The following PIGL variants were observed in gnomAD, a reference collection of about 807,000 sequenced individuals.
PIGL encodes N-acetylglucosaminyl-phosphatidylinositol de-N-acetylase.
In PIGL, 22 loss-of-function variants were observed where a neutral mutation model predicts 31.1. That is an observed-to-expected ratio of 0.71 (90% CI 0.51 to 1.01). PIGL has a LOEUF of 1.01. Among genes scored for constraint, PIGL ranks in the 50% least tolerant of loss-of-function variants. The pLI, the probability that PIGL is intolerant of heterozygous loss-of-function variation, is 0.00. For missense variants in PIGL, 302 were observed against 315.9 expected, an observed-to-expected ratio of 0.96 and a Z score of 0.33; for synonymous variants, 131 against 117.4, an observed-to-expected ratio of 1.12 and a Z score of -0.75.
intron 1 of PIGL, among the ~76,000 whole-genome samples, chr17:16,222,196 G>A (rs1284082819): frequency 1.3e-5 from 2 of 152,068 alleles, no homozygotes; most frequent in African/African-American, 4.8e-5. Context: ...GATGGAGAAA[G>A]TACTATGGAC....
chr17:16,243,428 C>T (rs776488356), intron 2 of PIGL, among the ~76,000 whole-genome samples: 5 of 152,156 alleles, frequency 3.3e-5, no homozygotes, highest in African/African-American at 7.2e-5. Context: ...GGATCCCATT[C>T]ATTTCAGTAT....
chr17:16,234,280 G>C, intron 2 of PIGL: 1 of 453,338 alleles, frequency 2.2e-6, no homozygotes. Flanking sequence ...GGCCAACATG[G>C]TAAAACCGCA....
intron 2 of PIGL, among the ~76,000 whole-genome samples, chr17:16,264,544 G>C (rs893338725): frequency 6.6e-6 from 1 of 152,016 alleles, no homozygotes; most frequent in Non-Finnish European, 1.5e-5. Flanking sequence ...CTCACAAGGA[G>C]TTTTGTGTAT....
intron 2 of PIGL, among the ~76,000 whole-genome samples, chr17:16,240,843 T>A (rs1343206699): frequency 6.8e-6 from 1 of 146,950 alleles, no homozygotes; most frequent in African/African-American, 2.6e-5. Flanking sequence ...GCATGGTGGC[T>A]CACGCCTCTA....
intron 2 of PIGL, among the ~76,000 whole-genome samples, chr17:16,271,218 A>G (rs1205256711): frequency 6.6e-6 from 1 of 152,198 alleles, no homozygotes; most frequent in East Asian, 1.9e-4. Context: ...CAAAAATATA[A>G]TTAGGAATTA....
intron 1 of PIGL, among the ~76,000 whole-genome samples, chr17:16,219,062 TAAA>T (rs1398392978): frequency 5.0e-4 from 62 of 124,122 alleles, no homozygotes; most frequent in African/African-American, 1.8e-3. Flanking sequence ...ACATTTTTTA[TAAA>T]TTTTTTTTTT....
chr17:16,228,096 C>A (rs1233676112), intron 1 of PIGL, among the ~76,000 whole-genome samples: 1 of 143,882 alleles, frequency 7.0e-6, no homozygotes, highest in Non-Finnish European at 1.5e-5. Context: ...TTGTTGCCCA[C>A]ACTAGAGTGC....
At chr17:16,267,919 C>T (rs958190630) in intron 2 of PIGL, among the ~76,000 whole-genome samples, 1 of 152,058 alleles carries the variant, frequency 6.6e-6, no homozygotes. Context: ...CTCTGCTCTA[C>T]TTAACTCTAC....
intron 2 of PIGL, among the ~76,000 whole-genome samples, chr17:16,267,712 A>AG (rs2092851013): frequency 7.3e-6 from 1 of 137,318 alleles, no homozygotes; most frequent in African/African-American, 3.4e-5. Context: ...AGAAAAAAAG[A>AG]AAAAAAAAAG....
intron 2 of PIGL, among the ~76,000 whole-genome samples, chr17:16,294,346 G>A (rs1457833088): frequency 6.6e-6 from 1 of 152,116 alleles, no homozygotes; most frequent in Non-Finnish European, 1.5e-5. Context: ...AATCATGGAC[G>A]GTACTCTGTC....
chr17:16,317,560 G>T, intron 5 of PIGL: 1 of 1,350,584 alleles, frequency 7.4e-7, no homozygotes, highest in Non-Finnish European at 9.5e-7. Context: ...CCGCAGGGTA[G>T]AGGGTAGCCA....
At chr17:16,264,872 C>T (rs2092835707) in intron 2 of PIGL, among the ~76,000 whole-genome samples, 1 of 152,126 alleles carries the variant, frequency 6.6e-6, no homozygotes, top group Non-Finnish European at 1.5e-5. Context: ...GGTGACCCGC[C>T]CTCCTCTGCC....
chr17:16,221,493 G>T (rs1442802611), intron 1 of PIGL, among the ~76,000 whole-genome samples: 1 of 148,958 alleles, frequency 6.7e-6, no homozygotes, highest in Non-Finnish European at 1.5e-5. Context: ...ACTGTCGCCC[G>T]GGCTGGAGTG....
chr17:16,293,678 A>G (rs943565457), intron 2 of PIGL, among the ~76,000 whole-genome samples: 7 of 152,216 alleles, frequency 4.6e-5, no homozygotes, highest in African/African-American at 1.2e-4. Context: ...ACTTCCTTGC[A>G]TAGGGTAGAA....
intron 2 of PIGL, among the ~76,000 whole-genome samples, chr17:16,291,154 T>G (rs184072882): frequency 1.1e-3 from 172 of 152,358 alleles, no homozygotes; most frequent in Non-Finnish European, 2.2e-3. Context: ...AGTGCTTGTA[T>G]AAGTCCATGT....
chr17:16,310,092 A>AAAAAG (rs2093042748), intron 3 of PIGL, among the ~76,000 whole-genome samples: 1 of 151,306 alleles, frequency 6.6e-6, no homozygotes, highest in Non-Finnish European at 1.5e-5. Flanking sequence ...AAAAAAAAAA[A>AAAAAG]AAAGAAAGAA....
chr17:16,244,542 T>C (rs781439329), intron 2 of PIGL, among the ~76,000 whole-genome samples: 1 of 152,224 alleles, frequency 6.6e-6, no homozygotes, highest in African/African-American at 2.4e-5. Context: ...CAAATCTGTT[T>C]TGGAGATCTT....
At chr17:16,221,898 C>A (rs1159518801) in intron 1 of PIGL, among the ~76,000 whole-genome samples, 1 of 152,080 alleles carries the variant, frequency 6.6e-6, no homozygotes, top group Non-Finnish European at 1.5e-5. Flanking sequence ...GGATTACAGA[C>A]GTGAGCCACC....
rs375475665 is a variant in PIGL, at chr17:16,270,031, A to C, written c.336-29857A>C. The stretch of plus-strand genomic sequence containing the variant: ...GCCAGGCATGGTGGGTCACGCCTGT[A>C]ATCTCAGCACTTTGGGAGGCCGAGG... On this transcript the variant is annotated intron_variant, in intron 2 of 6. Coordinates refer to ENST00000225609, the MANE Select transcript of PIGL (RefSeq NM_004278.4). 7.6e-4 allele frequency among the ~76,000 whole-genome samples: 116 copies of C among 152,234 alleles called. 5 individuals carry two copies. In the East Asian group the frequency reaches 0.019, roughly 25 times the overall value.
Sources: allele counts gnomAD v4.1 joint callset (sites outside exome capture counted in the v4.1 genomes callset), GRCh38; gene constraint gnomAD v4.1.1; transcripts MANE v1.5; gene names NCBI Gene and HGNC (gene_info 2026-07-23, HGNC 2026-07-21).